FCRL3: variants seen among roughly 807,000 people sequenced by gnomAD.
FCRL3 encodes the protein Fc receptor like 3, also known as Fc receptor-like protein 3.
A neutral mutation model predicts 75.0 loss-of-function variants in FCRL3; 89 were observed. The ratio of observed to expected loss-of-function variants is 1.19; its 90% CI spans 1.00 to 1.42. The LOEUF (loss-of-function observed/expected upper bound fraction) is 1.42. Ranked by LOEUF, FCRL3 falls within the 40% of genes most tolerant of loss-of-function variation. The pLI is 0.00. For synonymous variants in FCRL3, 376 were observed against 348.5 expected (o/e 1.08, Z -0.88); for missense variants, 946 against 880.0 (o/e 1.07, Z -0.95).
At chr1:157,683,030 T>C (rs1260725649) in intron 11 of FCRL3, among the ~76,000 whole-genome samples, 187 bp downstream of exon 11, 1 of 152,208 alleles carries the variant, frequency 6.6e-6, no homozygotes, top group Non-Finnish European at 1.5e-5. Flanking sequence ...TGTGTTTAAG[T>C]AGAGACAGTG....
chr1:157,690,439 G>A lies in FCRL3; in HGVS notation c.1506C>T (p.Gly502=), dbSNP rs1351640366. ...AAAACCAGTACAGGATCGGGAAGGA[G>A]CCTCTCAGGGACTCACAGTGAAGCT... ...LLELHCESLR[G]SFPILYWFYH... Residue 502 remains glycine, a synonymous_variant, in exon 9 of 15, where the codon GGC becomes GGT. Transcript: ENST00000368184. 1 of 1,614,252 alleles carries A rather than the reference G, an allele frequency of 6.2e-7. No homozygotes were observed. The highest frequency in any genetic ancestry group is 8.5e-7 in the Non-Finnish European group (1 of 1,180,042).
rs11264793 is a variant in FCRL3 at position 157,677,736 on chromosome 1, A to T, written c.*974T>A. The T allele has an allele frequency of 0.26, 158,282 of 597,478 alleles. 21,829 individuals are homozygous for T. Among genetic ancestry groups the T allele is most frequent in the African/African-American group, 0.42 (20,730 of 49,364 alleles). The allele number at this position is 597,478 out of a possible 1,614,324, so 37.0% of individuals were successfully genotyped here. A position where few individuals can be genotyped will look rare whatever the true frequency, so the allele number is the denominator to read the frequency against. On this transcript the variant is annotated 3_prime_UTR_variant, in exon 15 of 15. Transcript: ENST00000368184. ...ACATGAAGAGAAAGTACTAAAAAAA[A>T]TTATCTACAACAATATGGTCTTTAA... is the stretch of plus-strand genomic sequence containing the variant.
At chr1:157,693,837 T>A (rs2101616701) in intron 8 of FCRL3, among the ~76,000 whole-genome samples, 1 of 152,186 alleles carries the variant, frequency 6.6e-6, no homozygotes, top group East Asian at 1.9e-4. Flanking sequence ...AGTCTCAACC[T>A]CTTGGGTTCA....
chr1:157,699,892 C>T (rs1656203827), intron 2 of FCRL3, among the ~76,000 whole-genome samples, 180 bp from the exon 3 acceptor site: 1 of 152,150 alleles, frequency 6.6e-6, no homozygotes, highest in Non-Finnish European at 1.5e-5. Context: ...TGGCTTATGT[C>T]CAAGGCCTGA....
chr1:157,687,907 C>A (rs1430189238), intron 10 of FCRL3, among the ~76,000 whole-genome samples: 1 of 151,964 alleles, frequency 6.6e-6, no homozygotes, highest in Admixed American at 6.6e-5. Flanking sequence ...TGTAACCAAT[C>A]CACACATTTA....
intron 3 of FCRL3, among the ~76,000 whole-genome samples, chr1:157,699,393 G>T (rs759855371): frequency 1.3e-5 from 2 of 151,908 alleles, no homozygotes; most frequent in Non-Finnish European, 2.9e-5. Context: ...ATGTACTAGA[G>T]AATATGGAGA....
upstream of FCRL3, chr1:157,700,774 G>C: frequency 7.9e-7 from 1 of 1,258,218 alleles, no homozygotes; most frequent in Non-Finnish European, 1.0e-6. Flanking sequence ...GACTGTGCCT[G>C]GGTTCTCTAG....
At chr1:157,679,665 C>A (rs1272550609) in intron 13 of FCRL3, among the ~76,000 whole-genome samples, 2 of 151,426 alleles carry the variant, frequency 1.3e-5, no homozygotes, top group African/African-American at 4.9e-5. Flanking sequence ...CCTGTCTCTA[C>A]TAAAAATACA....
At chr1:157,694,962 T>A (rs1321400971) in intron 8 of FCRL3, among the ~76,000 whole-genome samples, 1 of 152,154 alleles carries the variant, frequency 6.6e-6, no homozygotes, top group Non-Finnish European at 1.5e-5. Flanking sequence ...CAAGGGATGA[T>A]CCAGTCATTT....
chr1:157,699,599 T>G (rs894622426), intron 3 of FCRL3, 93 bp downstream of exon 3: 1 of 1,347,590 alleles, frequency 7.4e-7, no homozygotes, highest in South Asian at 1.2e-5. Flanking sequence ...GCATTGCTGA[T>G]GGGATGCGTG....
chr1:157,677,597 G>A lies in FCRL3; in HGVS notation c.*1113C>T, dbSNP rs1654540783. ...CACACTGTGGAAAGAGTTTTTGATG[G>A]TGATAGCTAGGAAAACATTAAGCCA... On this transcript the variant is annotated 3_prime_UTR_variant, in exon 15 of 15. Coordinates refer to ENST00000368184, the MANE Select transcript of FCRL3 (RefSeq NM_052939.4). 1.0e-6 allele frequency: 1 copy of A among 985,250 alleles called. No individual in the cohort carries two copies. The highest frequency in any genetic ancestry group is 1.7e-5 in the African/African-American group (1 of 57,282). 61.0% of individuals were successfully genotyped at this position (985,250 alleles called of 1,614,324 possible). A position where few individuals can be genotyped will look rare whatever the true frequency, so the allele number is the denominator to read the frequency against.
intron 10 of FCRL3, among the ~76,000 whole-genome samples, chr1:157,688,286 A>G (rs751430130): frequency 2.5e-4 from 38 of 152,150 alleles, no homozygotes; most frequent in Non-Finnish European, 8.8e-5. Flanking sequence ...ATATTAACAT[A>G]TTAATATTAG....
Position 157,697,387 on chromosome 1 carries a change from G to C in FCRL3, c.597C>G (p.Ser199=), listed in dbSNP as rs368948019. ...TCATGGGACTCCCCTCTATGGGCGT[G>C]GAAGAGCTGGCTCTCAGCACAGGAT... ...FLHPVLRASS[S]TPIEGSPMTL... Residue 199 remains serine (S), a synonymous_variant, in exon 6 of 15, where the codon TCC becomes TCG. Coordinates refer to ENST00000368184, the MANE Select transcript of FCRL3 (RefSeq NM_052939.4). The C allele has an allele frequency of 6.4e-7, 1 of 1,564,504 alleles. No homozygotes were observed. Among genetic ancestry groups the C allele is most frequent in the African/African-American group, 1.4e-5 (1 of 72,884 alleles).
rs766340185 is a variant in FCRL3, at chr1:157,695,484, T to A, written c.1256A>T (p.His419Leu). The A allele has an allele frequency of 3.1e-6, 5 of 1,614,160 alleles. No individual in the cohort carries two copies. The highest frequency in any genetic ancestry group is 4.2e-6 in the Non-Finnish European group (5 of 1,180,014). ...GCTGTTCCCCAGGGTGACATCCTCA[T>A]GATAAAATCGGTACAGGATCGGGGG... ...GSPPILYRFYHEDVTLGNSSA... is the reference protein window; with the variant it reads ...GSPPILYRFYLEDVTLGNSSA... The change falls in exon 8 of 15, where the codon CAT becomes CTT. Residue 419 changes from histidine (H) to leucine (L), a missense_variant. Transcript: ENST00000368184.
intron 3 of FCRL3, among the ~76,000 whole-genome samples, chr1:157,699,484 A>G (rs1656170392): frequency 6.6e-6 from 1 of 150,574 alleles, no homozygotes; most frequent in Non-Finnish European, 1.5e-5. Flanking sequence ...AGTCTGAGGA[A>G]TACCGGTAAT....
rs550089256 is a variant in FCRL3 at position 157,692,210 on chromosome 1, A to AT, written c.1412-1678dup. Among the ~76,000 whole-genome samples, 12 of 152,018 alleles carry AT rather than the reference A, an allele frequency of 7.9e-5. No homozygotes were observed. The East Asian group carries it at 2.3e-3, about 29-fold the overall frequency. ...TATTTTAATTTAAATCATAAAATAT[A>AT]TTTTTTATTTTTTAATTTAATTTCT... On this transcript the variant is annotated intron_variant, in intron 8 of 14. Coordinates refer to ENST00000368184, the MANE Select transcript of FCRL3 (RefSeq NM_052939.4).
intron 10 of FCRL3, among the ~76,000 whole-genome samples, chr1:157,684,387 C>T (rs1479367731): frequency 6.6e-6 from 1 of 152,156 alleles, no homozygotes; most frequent in Non-Finnish European, 1.5e-5. Context: ...CTCCCTGTTC[C>T]TCAGGGAGTG....
At chr1:157,681,200 A>T in intron 11 of FCRL3, 101 bp from the exon 12 acceptor site, 1 of 671,642 alleles carries the variant, frequency 1.5e-6, no homozygotes, top group Non-Finnish European at 2.3e-6. Context: ...AGCATGATTC[A>T]AGTAAAAATA....
chr1:157,678,081 G>C lies in FCRL3; in HGVS notation c.*629C>G. On this transcript the variant is annotated 3_prime_UTR_variant, in exon 15 of 15. Transcript: ENST00000368184. Reference sequence around the variant, plus strand: ...TAAGGTCTTTGCAGTGGGGATACAAGTCACATATTAAACTAGCAGAGTCTT... The same window carrying C: ...TAAGGTCTTTGCAGTGGGGATACAACTCACATATTAAACTAGCAGAGTCTT... 1.1e-5 allele frequency: 11 copies of C among 985,786 alleles called. No homozygotes were observed. Among genetic ancestry groups the C allele is most frequent in the Non-Finnish European group, 1.3e-5 (11 of 830,260 alleles). 61.1% of individuals were successfully genotyped at this position (985,786 alleles called of 1,614,324 possible).
Sources: allele counts gnomAD v4.1 joint callset (sites outside exome capture counted in the v4.1 genomes callset), GRCh38; gene constraint gnomAD v4.1.1; transcripts MANE v1.5; gene names NCBI Gene and HGNC (gene_info 2026-07-23, HGNC 2026-07-21).